TENM4: variants seen among roughly 807,000 people sequenced by gnomAD.
TENM4 encodes the protein teneurin-4.
In TENM4, 82 loss-of-function variants were observed where a neutral mutation model predicts 243.3. That is an observed-to-expected ratio of 0.34 (90% CI 0.28 to 0.40). The LOEUF (loss-of-function observed/expected upper bound fraction) is 0.40. TENM4 is among the 10% of genes least tolerant of loss of function. The pLI, the probability that TENM4 is intolerant of heterozygous loss-of-function variation, is 1.00. For synonymous variants in TENM4, 1,412 were observed against 1,456.3 expected, an observed-to-expected ratio of 0.97 and a Z score of 0.69; for missense variants, 3,138 against 3,673.3, an observed-to-expected ratio of 0.85 and a Z score of 3.77.
intron 4 of TENM4, among the ~76,000 whole-genome samples, chr11:79,135,149 CA>C (rs1276329475): frequency 6.6e-6 from 1 of 151,416 alleles, no homozygotes. Context: ...AATCAGTAAG[CA>C]AAAAACAAAT....
At chr11:79,280,624 T>C (rs1430682512) in intron 2 of TENM4, among the ~76,000 whole-genome samples, 3 of 152,168 alleles carry the variant, frequency 2.0e-5, no homozygotes, top group African/African-American at 7.2e-5. Flanking sequence ...GTGATTCCCA[T>C]CTCTCCGTGT....
At chr11:79,035,494 A>G (rs1188073910) in intron 6 of TENM4, among the ~76,000 whole-genome samples, 2 of 151,628 alleles carry the variant, frequency 1.3e-5, no homozygotes, top group Non-Finnish European at 2.9e-5. Flanking sequence ...TTCTCATCAC[A>G]CAAGGGATAT....
In TENM4 at chr11:78,805,285, C is replaced by CCCCCCCCCCCCCCCCCCCCCAA; in HGVS notation, c.2179+6_2179+7insTTGGGGGGGGGGGGGGGGGGGG. 7 of 1,578,068 alleles carry CCCCCCCCCCCCCCCCCCCCCAA rather than the reference C, an allele frequency of 4.4e-6. No individual in the cohort carries two copies. The highest frequency in any genetic ancestry group is 1.7e-5 in the Admixed American group (1 of 57,326). Reference sequence around the variant, plus strand: ...TCTACCCATGCTTCTTCTCCCCCTGCATTTACCGATAGAACAGTCGTGTCC... The same window carrying CCCCCCCCCCCCCCCCCCCCCAA: ...TCTACCCATGCTTCTTCTCCCCCTGCCCCCCCCCCCCCCCCCCCCCAAATTTACCGATAGAACAGTCGTGTCC... On this transcript the variant is annotated splice_region_variant and intron_variant, in intron 15 of 33. Coordinates refer to ENST00000278550, the MANE Select transcript of TENM4 (RefSeq NM_001098816.3).
At chr11:79,284,801 A>C (rs999428676) in intron 2 of TENM4, among the ~76,000 whole-genome samples, 1 of 152,258 alleles carries the variant, frequency 6.6e-6, no homozygotes, top group African/African-American at 2.4e-5. Context: ...ATCATATATC[A>C]GACAATTGTA....
At chr11:78,711,791 C>A (rs1466965002) in intron 26 of TENM4, among the ~76,000 whole-genome samples, 1 of 152,178 alleles carries the variant, frequency 6.6e-6, no homozygotes, top group African/African-American at 2.4e-5. Context: ...TCTAAACCCC[C>A]ATGAACAGCT....
rs528249955 is a variant in TENM4 at position 79,098,419 on chromosome 11, G to A, written c.-65-28410C>T. ...ATCACTTCCCAGGAATTTGCTTTAA[G>A]CAAGGGACCTGCCTGTGCACTGGCC... On this transcript the variant is annotated intron_variant, in intron 4 of 33. Coordinates refer to ENST00000278550, the MANE Select transcript of TENM4 (RefSeq NM_001098816.3). Among the ~76,000 whole-genome samples, 5 of 152,282 alleles carry A rather than the reference G, an allele frequency of 3.3e-5. No homozygotes were observed. The East Asian group carries it at 9.7e-4, about 29-fold the overall frequency.
At chr11:79,230,947 C>G (rs78658754) in intron 2 of TENM4, among the ~76,000 whole-genome samples, 2,519 of 152,256 alleles carry the variant, frequency 0.017, 65 homozygotes, top group African/African-American at 0.057. Context: ...GCACATCCAC[C>G]TTGGATGTTT....
At chr11:79,127,653 G>C (rs1450505848) in intron 4 of TENM4, among the ~76,000 whole-genome samples, 1 of 152,204 alleles carries the variant, frequency 6.6e-6, no homozygotes, top group African/African-American at 2.4e-5. Flanking sequence ...GGGAGACCTT[G>C]ATCACTTTTT....
chr11:79,063,669 A>G (rs748790084), intron 6 of TENM4, among the ~76,000 whole-genome samples: 11 of 152,192 alleles, frequency 7.2e-5, no homozygotes, highest in Non-Finnish European at 1.5e-4. Flanking sequence ...AATAGTCTCC[A>G]CGCAGGACCA....
At chr11:78,742,742 G>C (rs1855960186) in intron 19 of TENM4, among the ~76,000 whole-genome samples, 1 of 152,190 alleles carries the variant, frequency 6.6e-6, no homozygotes, top group African/African-American at 2.4e-5. Context: ...AGATCTGCCT[G>C]ACTGCTTCCT....
intron 1 of TENM4, among the ~76,000 whole-genome samples, chr11:79,391,521 A>C (rs1239809659): frequency 6.6e-6 from 1 of 152,228 alleles, no homozygotes; most frequent in Non-Finnish European, 1.5e-5. Context: ...ATAGTAAAGT[A>C]GCAAATATTA....
chr11:79,259,658 T>TATCCATCCATCC (rs10534484), intron 2 of TENM4, among the ~76,000 whole-genome samples: 2 of 145,314 alleles, frequency 1.4e-5, no homozygotes, highest in Non-Finnish European at 3.0e-5. Context: ...TCCATCCATC[T>TATCCATCCATCC]ATCCATCCAT....
At chr11:79,348,216 C>CTGAT (rs1857360978) in intron 1 of TENM4, among the ~76,000 whole-genome samples, 1 of 152,202 alleles carries the variant, frequency 6.6e-6, no homozygotes, top group Non-Finnish European at 1.5e-5. Context: ...GTAATAGACA[C>CTGAT]TGATTGAATA....
At chr11:78,677,959 T>G (rs1416971441) in intron 29 of TENM4, among the ~76,000 whole-genome samples, 1 of 111,908 alleles carries the variant, frequency 8.9e-6, no homozygotes, top group Non-Finnish European at 1.8e-5. Context: ...GAGTGTGATA[T>G]TCCCCTTCCT....
intron 6 of TENM4, among the ~76,000 whole-genome samples, chr11:79,040,459 C>T (rs1207339738): frequency 6.6e-6 from 1 of 152,202 alleles, no homozygotes; most frequent in Non-Finnish European, 1.5e-5. Context: ...CAACCTGAGT[C>T]ACACTCTGGA....
chr11:79,242,542 T>A (rs1276173995), intron 2 of TENM4, among the ~76,000 whole-genome samples: 1 of 152,214 alleles, frequency 6.6e-6, no homozygotes, highest in Admixed American at 6.5e-5. Flanking sequence ...GTGTGTGATT[T>A]TACATCTTGC....
At chr11:78,800,578 G>C (rs888664952) in intron 15 of TENM4, among the ~76,000 whole-genome samples, 2 of 152,094 alleles carry the variant, frequency 1.3e-5, no homozygotes, top group African/African-American at 4.8e-5. Flanking sequence ...AGAGCTTTCG[G>C]CTGCAGCCCC....
chr11:79,081,659 G>A (rs1246377538), intron 4 of TENM4, among the ~76,000 whole-genome samples: 3 of 152,104 alleles, frequency 2.0e-5, no homozygotes, highest in African/African-American at 7.2e-5. Flanking sequence ...TTGCTATTGA[G>A]CCCTGGGGAT....
chr11:79,182,875 A>G (rs370921833), intron 3 of TENM4, among the ~76,000 whole-genome samples: 7 of 152,342 alleles, frequency 4.6e-5, no homozygotes, highest in African/African-American at 1.7e-4. Flanking sequence ...ATACTAACCT[A>G]TTAGAATGGC....
Sources: gnomAD v4.1 joint callset for allele counts (sites outside exome capture counted in the v4.1 genomes callset) on GRCh38, gnomAD v4.1.1 for gene constraint, MANE v1.5 for transcripts, NCBI Gene and HGNC (gene_info 2026-07-23, HGNC 2026-07-21) for gene names.